The following FGF12 variants were observed in gnomAD, a reference collection of about 807,000 sequenced individuals.
The protein encoded by FGF12 is fibroblast growth factor 12, also known as fibroblast growth factor 12B.
In FGF12, 14 loss-of-function variants were observed where a neutral mutation model predicts 23.6. That is an observed-to-expected ratio of 0.59 (90% CI 0.39 to 0.93). The LOEUF is 0.93. Ranked by LOEUF, FGF12 falls within the 40% of genes least tolerant of loss-of-function variation. FGF12 has a pLI of 0.00. For missense variants in FGF12, 175 were observed against 217.8 expected, an observed-to-expected ratio of 0.80 and a Z score of 1.24; for synonymous variants, 62 against 77.3, an observed-to-expected ratio of 0.80 and a Z score of 1.04.
chr3:192,702,074 T>C (rs1718315888), intron 2 of FGF12, among the ~76,000 whole-genome samples: 1 of 152,224 alleles, frequency 6.6e-6, no homozygotes, highest in African/African-American at 2.4e-5. Context: ...TTTCTATGTA[T>C]TCGACTTTTT....
At chr3:192,243,657 T>A (rs925674325) in intron 4 of FGF12, among the ~76,000 whole-genome samples, 5 of 151,916 alleles carry the variant, frequency 3.3e-5, no homozygotes, top group Non-Finnish European at 7.4e-5. Flanking sequence ...TAGGAAGGTA[T>A]TCCTCAGTAG....
chr3:192,628,766 TAA>T (rs1715276765), intron 2 of FGF12, among the ~76,000 whole-genome samples: 1 of 150,546 alleles, frequency 6.6e-6, no homozygotes, highest in African/African-American at 2.4e-5. Context: ...CTTTTTACTA[TAA>T]AAGTTGACGC....
chr3:192,469,637 G>A (rs921429617), intron 2 of FGF12, among the ~76,000 whole-genome samples: 2 of 152,180 alleles, frequency 1.3e-5, no homozygotes, highest in Non-Finnish European at 2.9e-5. Flanking sequence ...TATGTTTTAT[G>A]ACCCAGAGAA....
chr3:192,544,004 C>T (rs1725435739), intron 2 of FGF12, among the ~76,000 whole-genome samples: 1 of 152,194 alleles, frequency 6.6e-6, no homozygotes, highest in Non-Finnish European at 1.5e-5. Context: ...CAAGCACTCT[C>T]TTTGCTGTTC....
chr3:192,453,712 G>A (rs1174303464), intron 2 of FGF12, among the ~76,000 whole-genome samples: 5 of 152,208 alleles, frequency 3.3e-5, no homozygotes, highest in African/African-American at 9.6e-5. Flanking sequence ...GGGATGAGGG[G>A]ATGTCTCTTG....
At chr3:192,309,756 A>G (rs986603371) in intron 4 of FGF12, among the ~76,000 whole-genome samples, 1 of 152,270 alleles carries the variant, frequency 6.6e-6, no homozygotes, top group Non-Finnish European at 1.5e-5. Flanking sequence ...ACTGAAAAGG[A>G]AAGGAAAACA....
intron 2 of FGF12, among the ~76,000 whole-genome samples, chr3:192,413,213 T>C (rs1458737982): frequency 6.6e-6 from 1 of 152,232 alleles, no homozygotes; most frequent in Non-Finnish European, 1.5e-5. Context: ...TTAGGGCTAG[T>C]TTACACATTC....
At chr3:192,180,265 G>A (rs1367220427) in intron 4 of FGF12, among the ~76,000 whole-genome samples, 3 of 152,192 alleles carry the variant, frequency 2.0e-5, no homozygotes, top group Non-Finnish European at 2.9e-5. Context: ...TGTAAGTATA[G>A]AAGTGAGGTG....
intron 2 of FGF12, among the ~76,000 whole-genome samples, chr3:192,609,504 C>T (rs1436379042): frequency 6.6e-6 from 1 of 152,074 alleles, no homozygotes; most frequent in African/African-American, 2.4e-5. Flanking sequence ...TGGCTTGAGA[C>T]ATTGCATGTC....
intron 2 of FGF12, among the ~76,000 whole-genome samples, chr3:192,715,349 C>T (rs1261981075): frequency 1.3e-5 from 2 of 151,814 alleles, no homozygotes; most frequent in African/African-American, 2.4e-5. Flanking sequence ...ATATTCAGCA[C>T]CTAAAACAGT....
chr3:192,475,370 G>A (rs558692740), intron 2 of FGF12, among the ~76,000 whole-genome samples: 9 of 152,208 alleles, frequency 5.9e-5, no homozygotes, highest in African/African-American at 1.9e-4. Flanking sequence ...TCTATAAACG[G>A]AATGACTGGG....
chr3:192,161,169 G>A (rs1714847394), intron 5 of FGF12, among the ~76,000 whole-genome samples: 1 of 151,996 alleles, frequency 6.6e-6, no homozygotes, highest in Admixed American at 6.6e-5. Context: ...TGATTGTCAA[G>A]GCATGACCCC....
At chr3:192,361,169 C>CAAAAA (rs10651290) in intron 2 of FGF12, among the ~76,000 whole-genome samples, 44 of 98,676 alleles carry the variant, frequency 4.5e-4, no homozygotes, top group African/African-American at 6.1e-4. Context: ...TTCTCCAGTA[C>CAAAAA]AAAAAAAAAA....
At chr3:192,288,973 C>T (rs1194158108) in intron 4 of FGF12, among the ~76,000 whole-genome samples, 1 of 152,056 alleles carries the variant, frequency 6.6e-6, no homozygotes, top group African/African-American at 2.4e-5. Context: ...GCCTCATGTC[C>T]GAGTGCCCTT....
At chr3:192,353,620 C>T (rs1295880298) in intron 3 of FGF12, among the ~76,000 whole-genome samples, 1 of 152,026 alleles carries the variant, frequency 6.6e-6, no homozygotes, top group Non-Finnish European at 1.5e-5. Context: ...CCGCCAGCCT[C>T]GGCCTCCCAG....
chr3:192,392,259 A>G (rs535103136), intron 2 of FGF12, among the ~76,000 whole-genome samples: 4 of 152,214 alleles, frequency 2.6e-5, no homozygotes, highest in African/African-American at 4.8e-5. Context: ...ACTGAAGATC[A>G]TAAGATTCAA....
chr3:192,591,570 C>A (rs1176100317), intron 2 of FGF12, among the ~76,000 whole-genome samples: 1 of 151,806 alleles, frequency 6.6e-6, no homozygotes, highest in Admixed American at 6.6e-5. Flanking sequence ...AAGCCCTTTA[C>A]CTCAACAAGG....
intron 4 of FGF12, among the ~76,000 whole-genome samples, chr3:192,272,035 A>G (rs1457534669): frequency 1.3e-5 from 2 of 152,078 alleles, no homozygotes; most frequent in Non-Finnish European, 2.9e-5. Context: ...CAGGAGAGGG[A>G]AAAATATTGA....
At chr3:192,549,558 G>C (rs906678279) in intron 2 of FGF12, among the ~76,000 whole-genome samples, 4 of 152,154 alleles carry the variant, frequency 2.6e-5, no homozygotes, top group Non-Finnish European at 5.9e-5. Context: ...GTGTCTACTT[G>C]AGTGAGCCAC....
Sources: allele counts gnomAD v4.1 joint callset (sites outside exome capture counted in the v4.1 genomes callset), GRCh38; gene constraint gnomAD v4.1.1; transcripts MANE v1.5; gene names NCBI Gene and HGNC (gene_info 2026-07-23, HGNC 2026-07-21).